Variants in WASF3 observed in about 807,000 individuals in gnomAD.
WASF3 encodes WASP family member 3, also known as actin-binding protein WASF3.
Under a neutral mutation model 46.6 loss-of-function variants are expected in WASF3, and 11 were observed. The ratio of observed to expected loss-of-function variants is 0.24; its 90% CI spans 0.15 to 0.39. The LOEUF is 0.39. Ranked by LOEUF, WASF3 falls within the 10% of genes least tolerant of loss-of-function variation. WASF3 has a pLI of 1.00. For synonymous variants in WASF3, 242 were observed against 259.7 expected (o/e 0.93, Z 0.65); for missense variants, 576 against 669.8 (o/e 0.86, Z 1.55).
At chr13:26,629,607 G>A (rs1342610171) in intron 2 of WASF3, among the ~76,000 whole-genome samples, 1 of 152,158 alleles carries the variant, frequency 6.6e-6, no homozygotes, top group African/African-American at 2.4e-5. Flanking sequence ...TCCCCTGGAT[G>A]TATGAGTCTG....
At chr13:26,591,010 G>T (rs1342801914) in intron 1 of WASF3, among the ~76,000 whole-genome samples, 1 of 152,010 alleles carries the variant, frequency 6.6e-6, no homozygotes, top group African/African-American at 2.4e-5. Context: ...TGAAGGAGGT[G>T]TGAGGGACTG....
rs371514493 is a variant in WASF3 at position 26,612,928 on chromosome 13, A to G, written c.-108-33A>G. The stretch of plus-strand genomic sequence containing the variant: ...TTGAAGACTTGAATGCATTTTGCCT[A>G]CTGGTAATTAATTTTTTTTCTTTTC... On this transcript the variant is annotated intron_variant, in intron 1 of 9. Transcript: ENST00000335327. 4 of 152,236 alleles carry G rather than the reference A, an allele frequency of 2.6e-5. No individual in the cohort carries two copies. In the East Asian group the frequency reaches 7.7e-4, roughly 29 times the overall value. 9.4% of individuals were successfully genotyped at this position (152,236 alleles called of 1,614,324 possible). A position where few individuals can be genotyped will look rare whatever the true frequency, so the allele number is the denominator to read the frequency against.
chr13:26,563,805 A>G (rs192921292), intron 1 of WASF3, among the ~76,000 whole-genome samples: 1 of 143,614 alleles, frequency 7.0e-6, no homozygotes, highest in Admixed American at 6.9e-5. Flanking sequence ...TTTTTTTTTT[A>G]AATTTTAAAA....
At chr13:26,573,782 A>G (rs996738202) in intron 1 of WASF3, among the ~76,000 whole-genome samples, 1 of 152,196 alleles carries the variant, frequency 6.6e-6, no homozygotes, top group Non-Finnish European at 1.5e-5. Context: ...CAGTACTCAG[A>G]CCATTCCCAG....
At chr13:26,569,712 G>T (rs1405764920) in intron 1 of WASF3, among the ~76,000 whole-genome samples, 2 of 152,084 alleles carry the variant, frequency 1.3e-5, no homozygotes, top group African/African-American at 4.8e-5. Context: ...TAAACGAGGA[G>T]AAATTGATAG....
chr13:26,547,130 A>T, the WASF3 span, among the ~76,000 whole-genome samples: 2 of 152,016 alleles, frequency 1.3e-5, no homozygotes, highest in African/African-American at 4.8e-5. Flanking sequence ...GGCAGCTAGG[A>T]AGCTCAAAAC....
In WASF3 at chr13:26,666,755, C is replaced by T. The variant is rs371292364; in HGVS notation, c.269-762C>T. Among the ~76,000 whole-genome samples, 8 of 150,694 alleles carry T rather than the reference C, an allele frequency of 5.3e-5. No individual in the cohort carries two copies. The East Asian group carries it at 7.8e-4, about 15-fold the overall frequency. On this transcript the variant is annotated intron_variant, in intron 4 of 9. Transcript: ENST00000335327. ...TCTACTAAAAATACAAAAAATTAGC[C>T]GGTCGTGGTGGCGGGTGCCTGTAGT...
At chr13:26,544,849 A>C in the WASF3 span, among the ~76,000 whole-genome samples, 2 of 152,258 alleles carry the variant, frequency 1.3e-5, no homozygotes, top group Non-Finnish European at 2.9e-5. Context: ...TGGACATTCC[A>C]GAAAGCTACA....
chr13:26,541,855 C>G, the WASF3 span, among the ~76,000 whole-genome samples: 1 of 152,184 alleles, frequency 6.6e-6, no homozygotes, highest in Non-Finnish European at 1.5e-5. Flanking sequence ...CGTTAAGCCT[C>G]CAACCAGGAG....
intron 1 of WASF3, among the ~76,000 whole-genome samples, chr13:26,610,225 G>A (rs896023279): frequency 2.0e-5 from 3 of 152,122 alleles, no homozygotes; most frequent in Admixed American, 6.5e-5. Context: ...TCTTAGTTTA[G>A]GTCTTCATCA....
At chr13:26,648,664 G>A (rs990625568) in intron 3 of WASF3, among the ~76,000 whole-genome samples, 8 of 152,124 alleles carry the variant, frequency 5.3e-5, no homozygotes, top group Non-Finnish European at 8.8e-5. Flanking sequence ...TGAGGTGTCC[G>A]ACCGAAGTTG....
chr13:26,676,786 T>G lies in WASF3; in HGVS notation c.716+62T>G, dbSNP rs551152590. 5.4e-6 allele frequency: 8 copies of G among 1,490,550 alleles called. No homozygotes were observed. In the Admixed American group the frequency reaches 1.6e-4, roughly 29 times the overall value. The allele number at this position is 1,490,550 out of a possible 1,614,324, so 92.3% of individuals were successfully genotyped here. A position where few individuals can be genotyped will look rare whatever the true frequency, so the allele number is the denominator to read the frequency against. ...TGGGCAACTGGGTACTACCTGGTTT[T>G]ATTATCATTTGAAATGCATCAATAG... is the stretch of plus-strand genomic sequence containing the variant. On this transcript the variant is annotated intron_variant, in intron 7 of 9. Transcript: ENST00000335327.
chr13:26,671,771 G>C, intron 5 of WASF3, 101 bp from the exon 6 acceptor site: 1 of 752,064 alleles, frequency 1.3e-6, no homozygotes, highest in South Asian at 2.0e-5. Flanking sequence ...GCCCCATGTA[G>C]ATGTTATAAT....
chr13:26,682,617 G>A lies in WASF3; in HGVS notation c.994G>A (p.Ala332Thr). 1.2e-6 allele frequency: 2 copies of A among 1,614,110 alleles called. No homozygotes were observed. Among genetic ancestry groups the A allele is most frequent in the Non-Finnish European group, 1.7e-6 (2 of 1,180,032 alleles). The change falls in exon 9 of 10, where the codon GCG becomes ACG. Residue 332 changes from alanine to threonine, a missense_variant. Ala to Thr is a moderately conservative substitution (Grantham distance 58, BLOSUM62 0). This residue lies in a region of WASF3 where 295 missense variants were observed against 291.5 expected (regional missense o/e 1.01). Coordinates refer to ENST00000335327, the MANE Select transcript of WASF3 (RefSeq NM_006646.6). The surrounding 1 kb of genome is among the most constrained non-coding windows in gnomAD (Gnocchi z 4.4). ...MAPADYGMLP[A>T]QIIEYYNPSG... ...TCATATCTCTCTCAGGATGCTCCCA[G>A]CGCAGATAATTGAGTATTACAACCC...
At chr13:26,542,361 G>A in the WASF3 span, among the ~76,000 whole-genome samples, 1 of 152,180 alleles carries the variant, frequency 6.6e-6, no homozygotes, top group African/African-American at 2.4e-5. Flanking sequence ...GAACAGTGAT[G>A]GCATCTCATT....
chr13:26,571,195 A>G (rs1161954785), intron 1 of WASF3, among the ~76,000 whole-genome samples: 1 of 151,992 alleles, frequency 6.6e-6, no homozygotes, highest in Non-Finnish European at 1.5e-5. Flanking sequence ...CCTTTGATAT[A>G]TGTTACAATA....
At chr13:26,579,350 AATT>A (rs1879906124) in intron 1 of WASF3, among the ~76,000 whole-genome samples, 1 of 151,682 alleles carries the variant, frequency 6.6e-6, no homozygotes, top group Non-Finnish European at 1.5e-5. Flanking sequence ...TAATTATAGT[AATT>A]ATTATTTTTT....
intron 1 of WASF3, among the ~76,000 whole-genome samples, chr13:26,572,628 C>T (rs776500942): frequency 1.9e-4 from 29 of 152,102 alleles, no homozygotes; most frequent in Non-Finnish European, 2.2e-4. Flanking sequence ...TACAGTGGCA[C>T]GATCTCGGCT....
In WASF3 at chr13:26,681,036, C is replaced by G. The variant is rs2137510598; in HGVS notation, c.717-18C>G. 1 of 1,583,942 alleles carries G rather than the reference C, an allele frequency of 6.3e-7. No individual in the cohort carries two copies. Among genetic ancestry groups the G allele is most frequent in the Non-Finnish European group, 8.6e-7 (1 of 1,158,500 alleles). On this transcript the variant is annotated intron_variant, in intron 7 of 9. Coordinates refer to ENST00000335327, the MANE Select transcript of WASF3 (RefSeq NM_006646.6). ...AAATTAATTTAAATTTCTCCCACCT[C>G]TTGTTTTCAAATGCCAGGTCACATG...
Sources: allele counts gnomAD v4.1 joint callset (sites outside exome capture counted in the v4.1 genomes callset), GRCh38; gene constraint gnomAD v4.1.1; regional missense constraint gnomAD v4.1.1; non-coding constraint Gnocchi (gnomAD v3.1); transcripts MANE v1.5; gene names NCBI Gene and HGNC (gene_info 2026-07-23, HGNC 2026-07-21).